MMADHC: variants seen among roughly 807,000 people sequenced by gnomAD.
MMADHC encodes cobalamin trafficking protein CblD.
In MMADHC, 23 loss-of-function variants were observed where a neutral mutation model predicts 36.3. The ratio of observed to expected loss-of-function variants is 0.63; its 90% CI spans 0.46 to 0.90. The LOEUF is 0.90. MMADHC is among the 40% of genes least tolerant of loss of function. The pLI is 0.00. For missense variants in MMADHC, 330 were observed against 348.0 expected (o/e 0.95, Z 0.41); for synonymous variants, 97 against 116.1 (o/e 0.84, Z 1.06).
intron 6 of MMADHC, among the ~76,000 whole-genome samples, chr2:149,573,233 C>T (rs1351027031): frequency 6.6e-6 from 1 of 151,982 alleles, no homozygotes; most frequent in African/African-American, 2.4e-5. Context: ...AATTCTGAAA[C>T]AGACTAGTTT....
chr2:149,587,022 C>G (rs1682881293), intron 2 of MMADHC, 67 bp downstream of exon 2: 1 of 1,496,334 alleles, frequency 6.7e-7, no homozygotes, highest in Non-Finnish European at 9.3e-7. Context: ...TAATTAAACC[C>G]GTTCTTTCAT....
intron 2 of MMADHC, among the ~76,000 whole-genome samples, chr2:149,583,614 G>A (rs1682824195): frequency 6.6e-6 from 1 of 152,178 alleles, no homozygotes; most frequent in Non-Finnish European, 1.5e-5. Flanking sequence ...AGGAGGAGTA[G>A]AGAGGTGGTG....
chr2:149,573,894 A>AT (rs1272400010), intron 6 of MMADHC, among the ~76,000 whole-genome samples: 1 of 152,068 alleles, frequency 6.6e-6, no homozygotes, highest in African/African-American at 2.4e-5. Flanking sequence ...CAGCTGAAGT[A>AT]TTTTTCTTAG....
rs779070030 is a variant in MMADHC, at chr2:149,587,098, C to A, written c.-1G>T. ...GAGATAATTTACTCACATTGGCCATCTCCGCTGGAGAAGATAGTTCGCAAA... is the reference window on the plus strand; with the variant it reads ...GAGATAATTTACTCACATTGGCCATATCCGCTGGAGAAGATAGTTCGCAAA... On this transcript the variant is annotated 5_prime_UTR_variant, in exon 2 of 8. Transcript: ENST00000303319. 1.6e-5 allele frequency: 26 copies of A among 1,613,876 alleles called. No individual in the cohort carries two copies. The highest frequency in any genetic ancestry group is 2.2e-5 in the Non-Finnish European group (26 of 1,179,860).
At chr2:149,571,263 A>G in intron 6 of MMADHC, 92 bp from the exon 7 acceptor site, 1 of 766,200 alleles carries the variant, frequency 1.3e-6, no homozygotes, top group South Asian at 2.6e-5. Context: ...ATCTTGTTTC[A>G]GAAAAGAACT....
chr2:149,582,226 A>C lies in MMADHC; in HGVS notation c.55T>G (p.Cys19Gly). 3 of 1,613,944 alleles carry C rather than the reference A, an allele frequency of 1.9e-6. No individual in the cohort carries two copies. Among genetic ancestry groups the C allele is most frequent in the Non-Finnish European group, 2.5e-6 (3 of 1,179,856 alleles). Residue 19 changes from cysteine (C) to glycine (G), a missense_variant, in exon 3 of 8, where the codon TGC (cysteine) becomes GGC (glycine). Transcript: ENST00000303319. ...ARLVSYLPGF[C>G]SLVKRVVNPK... is the part of the protein sequence containing the mutation. ...TTGACAACCCTTTTAACTAAAGAGC[A>C]AAATCCTGGGAGATAGGAAACCAGT... is the stretch of plus-strand genomic sequence containing the variant.
intron 2 of MMADHC, among the ~76,000 whole-genome samples, chr2:149,584,140 T>C (rs190669474): frequency 2.8e-4 from 43 of 152,308 alleles, no homozygotes; most frequent in African/African-American, 8.2e-4. Context: ...GTTTATATAA[T>C]ACAAATTTAC....
At chr2:149,578,725 T>C (rs1398500461) in intron 4 of MMADHC, among the ~76,000 whole-genome samples, 4 of 152,068 alleles carry the variant, frequency 2.6e-5, no homozygotes, top group Admixed American at 1.3e-4. Flanking sequence ...CTCAGTGTCA[T>C]GTCATCTAAC....
At chr2:149,578,257 TAAA>T (rs1203353060) in intron 4 of MMADHC, among the ~76,000 whole-genome samples, 1 of 152,172 alleles carries the variant, frequency 6.6e-6, no homozygotes, top group Non-Finnish European at 1.5e-5. Flanking sequence ...ACTTGAGAGA[TAAA>T]AGCGATGTGA....
intron 2 of MMADHC, among the ~76,000 whole-genome samples, chr2:149,586,136 G>GA (rs1184391280): frequency 6.6e-6 from 1 of 152,146 alleles, no homozygotes; most frequent in Non-Finnish European, 1.5e-5. Context: ...TTCAATTACA[G>GA]AAATAGCATC....
chr2:149,573,039 C>T (rs1017905511), intron 6 of MMADHC, among the ~76,000 whole-genome samples: 2 of 152,234 alleles, frequency 1.3e-5, no homozygotes, highest in East Asian at 3.9e-4. Flanking sequence ...TGCTTTAACA[C>T]AAGGGTAGAG....
rs749415548 is a variant in MMADHC, at chr2:149,571,140, G to A, written c.641C>T (p.Ala214Val). 1 of 1,611,964 alleles carries A rather than the reference G, an allele frequency of 6.2e-7. No individual in the cohort carries two copies. The highest frequency in any genetic ancestry group is 1.1e-5 in the South Asian group (1 of 90,814). Reference sequence around the variant, plus strand: ...AGCCCAATAACCCTCAGCTCGAAGAGCATAGCAAATTTCCTTAGCACCATT... The same window carrying A: ...AGCCCAATAACCCTCAGCTCGAAGAACATAGCAAATTTCCTTAGCACCATT... Reference protein sequence around the residue: ...FINGAKEICYALRAEGYWADF... With the variant: ...FINGAKEICYVLRAEGYWADF... The change falls in exon 7 of 8, where the codon GCT becomes GTT. Residue 214 changes from alanine (A) to valine (V), a missense_variant. Coordinates refer to ENST00000303319, the MANE Select transcript of MMADHC (RefSeq NM_015702.3).
In MMADHC at chr2:149,579,665, AAAGG is replaced by A; in HGVS notation, c.155-21_155-18del. 6.2e-7 allele frequency: 1 copy of A among 1,602,622 alleles called. No individual in the cohort carries two copies. Among genetic ancestry groups the A allele is most frequent in the South Asian group, 1.1e-5 (1 of 90,554 alleles). On this transcript the variant is annotated intron_variant, in intron 3 of 7. Coordinates refer to ENST00000303319, the MANE Select transcript of MMADHC (RefSeq NM_015702.3). ...TTCGAGAGCCTGAAGAGAAACAACA[AAAGG>A]AACAGTTTCTCCTTAATAGTCAAGT...
chr2:149,587,389 C>T (rs1184328397), intron 1 of MMADHC: 7 of 521,176 alleles, frequency 1.3e-5, no homozygotes, highest in East Asian at 1.3e-4. Flanking sequence ...CAACTCGGAC[C>T]AGATCCGGGA....
At chr2:149,579,401 AAAGC>A in intron 4 of MMADHC, 26 bp downstream of exon 4, 7 of 1,570,688 alleles carry the variant, frequency 4.5e-6, no homozygotes, top group Non-Finnish European at 6.1e-6. Flanking sequence ...AATAATCAGG[AAAGC>A]ACAATAAATG....
intron 7 of MMADHC, 139 bp downstream of exon 7, chr2:149,570,946 T>G (rs1682629563): frequency 1.5e-6 from 1 of 646,968 alleles, no homozygotes; most frequent in Non-Finnish European, 2.7e-6. Flanking sequence ...AGAATTCAAC[T>G]GACTCACAGT....
At chr2:149,581,263 C>A (rs1043824768) in intron 3 of MMADHC, among the ~76,000 whole-genome samples, 1 of 152,028 alleles carries the variant, frequency 6.6e-6, no homozygotes, top group Non-Finnish European at 1.5e-5. Context: ...ATACTAACAT[C>A]TTATATAATT....
Position 149,570,173 on chromosome 2 carries a change from G to A in MMADHC, c.697-5C>T, listed in dbSNP as rs1439537619. The A allele has an allele frequency of 1.9e-6, 3 of 1,610,728 alleles. No individual in the cohort carries two copies. The highest frequency in any genetic ancestry group is 1.7e-6 in the Non-Finnish European group (2 of 1,177,614). ...GTTTGTATATGGTCCAAAAAACTGA[G>A]GAAATAAAAACGAAATATTCTCATT... On this transcript the variant is annotated splice_polypyrimidine_tract_variant and splice_region_variant and intron_variant, in intron 7 of 7. Coordinates refer to ENST00000303319, the MANE Select transcript of MMADHC (RefSeq NM_015702.3).
Position 149,574,999 on chromosome 2 carries a change from G to A in MMADHC, c.609+712C>T, listed in dbSNP as rs115364559. 9.5e-3 allele frequency among the ~76,000 whole-genome samples: 1,452 copies of A among 152,154 alleles called. 26 individuals carry two copies. The highest frequency in any genetic ancestry group is 0.034 in the African/African-American group (1,391 of 41,506). On this transcript the variant is annotated intron_variant, in intron 6 of 7. Transcript: ENST00000303319. ...TGTAGAGACAGGGTCTCACTACAGT[G>A]CCCAGGTTGGTCTCAAACTCCTGGA...
Sources: allele counts gnomAD v4.1 joint callset (sites outside exome capture counted in the v4.1 genomes callset), GRCh38; gene constraint gnomAD v4.1.1; transcripts MANE v1.5; gene names NCBI Gene and HGNC (gene_info 2026-07-23, HGNC 2026-07-21).